ASTN2: variants seen among roughly 807,000 people sequenced by gnomAD.
ASTN2 encodes the protein astrotactin-2.
A neutral mutation model predicts 139.8 loss-of-function variants in ASTN2; 54 were observed. That is an observed-to-expected ratio of 0.39 (90% CI 0.31 to 0.48). ASTN2 has a LOEUF of 0.48. Among genes scored for constraint, ASTN2 ranks in the 20% least tolerant of loss-of-function variants. The probability of loss-of-function intolerance (pLI) is 0.95; values close to 1 mark genes in which losing one functional copy is unlikely to be tolerated. For synonymous variants in ASTN2, 756 were observed against 719.5 expected, an observed-to-expected ratio of 1.05 and a Z score of -0.81; for missense variants, 1,565 against 1,725.1, an observed-to-expected ratio of 0.91 and a Z score of 1.64.
chr9:116,876,365 T>C (rs549772755), intron 10 of ASTN2, among the ~76,000 whole-genome samples: 1 of 152,250 alleles, frequency 6.6e-6, no homozygotes, highest in Non-Finnish European at 1.5e-5. Flanking sequence ...AGTGGTTTCT[T>C]GAGTTGTAAA....
intron 5 of ASTN2, among the ~76,000 whole-genome samples, chr9:117,095,100 C>T (rs1828807742): frequency 6.6e-6 from 1 of 152,192 alleles, no homozygotes; most frequent in Admixed American, 6.5e-5. Flanking sequence ...AGTTTCCCTG[C>T]CACATGACCT....
intron 1 of ASTN2, among the ~76,000 whole-genome samples, chr9:117,413,553 C>G (rs1483781586): frequency 1.3e-5 from 2 of 152,230 alleles, no homozygotes; most frequent in Non-Finnish European, 2.9e-5. Context: ...GATAATTAAG[C>G]TATCAATTAC....
At chr9:116,663,748 G>A (rs1000616117) in intron 16 of ASTN2, among the ~76,000 whole-genome samples, 1 of 152,092 alleles carries the variant, frequency 6.6e-6, no homozygotes, top group Non-Finnish European at 1.5e-5. Flanking sequence ...ACATATTCCA[G>A]GACAGATGTT....
At chr9:117,337,774 A>T (rs1828931810) in intron 1 of ASTN2, among the ~76,000 whole-genome samples, 1 of 152,172 alleles carries the variant, frequency 6.6e-6, no homozygotes, top group Non-Finnish European at 1.5e-5. Flanking sequence ...TATGGGGCAC[A>T]ATGAGTGAGC....
At chr9:117,052,275 C>T (rs533259429) in intron 5 of ASTN2, among the ~76,000 whole-genome samples, 1 of 145,886 alleles carries the variant, frequency 6.9e-6, no homozygotes, top group African/African-American at 2.8e-5. Context: ...CCCGTCTTTA[C>T]TAAAAATACA....
At chr9:116,588,710 A>C (rs1457505185) in intron 19 of ASTN2, among the ~76,000 whole-genome samples, 1 of 152,176 alleles carries the variant, frequency 6.6e-6, no homozygotes, top group African/African-American at 2.4e-5. Flanking sequence ...ACCTATTCAC[A>C]CTGATTTTTT....
chr9:116,930,980 CA>C (rs1374502613), intron 10 of ASTN2, among the ~76,000 whole-genome samples: 2 of 151,694 alleles, frequency 1.3e-5, no homozygotes, highest in African/African-American at 4.9e-5. Context: ...TTACTGACCC[CA>C]ATCTAATTAT....
intron 10 of ASTN2, among the ~76,000 whole-genome samples, chr9:116,959,909 C>A (rs1201452429): frequency 6.6e-6 from 1 of 152,112 alleles, no homozygotes; most frequent in Non-Finnish European, 1.5e-5. Flanking sequence ...CCATCAGGGC[C>A]ACGCAAAGCC....
chr9:117,121,632 C>G (rs1236351449), intron 4 of ASTN2, among the ~76,000 whole-genome samples: 1 of 152,198 alleles, frequency 6.6e-6, no homozygotes, highest in East Asian at 1.9e-4. Context: ...CATTTGTTAC[C>G]ATATGACCCA....
intron 11 of ASTN2, among the ~76,000 whole-genome samples, chr9:116,823,534 A>G (rs1831543798): frequency 6.6e-6 from 1 of 152,192 alleles, no homozygotes; most frequent in Admixed American, 6.5e-5. Flanking sequence ...GACGCCCAGA[A>G]AGTTAAAGGA....
intron 10 of ASTN2, among the ~76,000 whole-genome samples, chr9:116,911,106 G>T (rs577940505): frequency 2.6e-5 from 4 of 152,176 alleles, no homozygotes; most frequent in Non-Finnish European, 4.4e-5. Flanking sequence ...ATGGCCTCCA[G>T]TATATCAGAC....
intron 19 of ASTN2, among the ~76,000 whole-genome samples, chr9:116,518,068 G>T (rs540976319): frequency 1.3e-5 from 2 of 152,272 alleles, no homozygotes; most frequent in African/African-American, 2.4e-5. Context: ...AAATCTAAAA[G>T]ACTGGAGAAC....
At chr9:117,200,421 G>A (rs1037518478) in intron 3 of ASTN2, among the ~76,000 whole-genome samples, 1 of 152,156 alleles carries the variant, frequency 6.6e-6, no homozygotes, top group Non-Finnish European at 1.5e-5. Context: ...TGGTGAGAGA[G>A]GGCATCCTTG....
chr9:117,052,957 A>G (rs1307095285), intron 5 of ASTN2, among the ~76,000 whole-genome samples: 2 of 152,242 alleles, frequency 1.3e-5, no homozygotes, highest in African/African-American at 4.8e-5. Flanking sequence ...AGGACACCAG[A>G]TGAAGGATTT....
chr9:116,511,465 A>C (rs1564331091), intron 19 of ASTN2, among the ~76,000 whole-genome samples: 1 of 152,048 alleles, frequency 6.6e-6, no homozygotes, highest in African/African-American at 2.4e-5. Context: ...TAAAATTATC[A>C]TTTTTTGTTG....
At position 116,698,950 on chromosome 9, in the gene ASTN2, T is replaced by G; in HGVS notation, c.2806+26821A>C. On this transcript the variant is annotated intron_variant, in intron 16 of 22. Transcript: ENST00000313400. The surrounding 1 kb of genome is among the most constrained non-coding windows in gnomAD (Gnocchi z 4.4). ...ATACAAGTCTTTACCCGCAAAGGCT[T>G]TTTGAAGGAAATCCGCCGCAGCCCC... 1 of 1,614,168 alleles carries G rather than the reference T, an allele frequency of 6.2e-7. No homozygotes were observed. Among genetic ancestry groups the G allele is most frequent in the African/African-American group, 1.3e-5 (1 of 75,046 alleles).
At chr9:116,603,666 G>A (rs1396201459) in intron 19 of ASTN2, among the ~76,000 whole-genome samples, 2 of 152,238 alleles carry the variant, frequency 1.3e-5, no homozygotes, top group African/African-American at 2.4e-5. Context: ...CAATGTCATA[G>A]ACACAAGGTA....
At chr9:117,185,402 TATG>T (rs61110437) in intron 3 of ASTN2, among the ~76,000 whole-genome samples, 36,446 of 151,978 alleles carry the variant, frequency 0.24, 4,572 homozygotes, top group East Asian at 0.51. Context: ...CTGGACAGGA[TATG>T]ATGTTTGAGG....
chr9:116,915,907 G>C lies in ASTN2; in HGVS notation c.1890-52174C>G, dbSNP rs937350357. Among the ~76,000 whole-genome samples the C allele has an allele frequency of 2.6e-5, 4 of 152,286 alleles. No individual in the cohort carries two copies. In the East Asian group the frequency reaches 7.7e-4, roughly 29 times the overall value. On this transcript the variant is annotated intron_variant, in intron 10 of 22. Coordinates refer to ENST00000313400, the MANE Select transcript of ASTN2 (RefSeq NM_001365068.1). Reference sequence around the variant, plus strand: ...TGAGGTGGAAAGTGGCTTGCAGTGGGGTTATGGGTACCCCTGAATTTGTAG... The same window carrying C: ...TGAGGTGGAAAGTGGCTTGCAGTGGCGTTATGGGTACCCCTGAATTTGTAG...
Sources: allele counts gnomAD v4.1 joint callset (sites outside exome capture counted in the v4.1 genomes callset), GRCh38; gene constraint gnomAD v4.1.1; non-coding constraint Gnocchi (gnomAD v3.1); transcripts MANE v1.5; gene names NCBI Gene and HGNC (gene_info 2026-07-23, HGNC 2026-07-21).